AGBL1: variants seen among roughly 807,000 people sequenced by gnomAD.
AGBL1 encodes AGBL carboxypeptidase 1, also known as cytosolic carboxypeptidase 4.
AGBL1 carries 130 observed loss-of-function variants against 118.9 expected under a neutral mutation model. The observed-to-expected ratio is 1.09, with a 90% CI of 0.95 to 1.26. The LOEUF (loss-of-function observed/expected upper bound fraction) is 1.26, where lower values mean the gene tolerates loss of function less well. Among genes scored for constraint, AGBL1 ranks in the 50% most tolerant of loss-of-function variants. AGBL1 has a pLI of 0.00. For missense variants in AGBL1, 1,584 were observed against 1,298.1 expected (o/e 1.22, Z -3.38); for synonymous variants, 555 against 478.9 (o/e 1.16, Z -2.08).
chr15:86,874,381 G>GACACACACAC (rs58756904), intron 22 of AGBL1, among the ~76,000 whole-genome samples: 10,280 of 148,946 alleles, frequency 0.069, 431 homozygotes, highest in Non-Finnish European at 0.11. Context: ...TTGTGGGTGG[G>GACACACACAC]ACACACACAC....
chr15:86,643,512 T>C lies in AGBL1; in HGVS notation c.2995-30761T>C, dbSNP rs931830284. Among the ~76,000 whole-genome samples, 4 of 152,150 alleles carry C rather than the reference T, an allele frequency of 2.6e-5. No individual in the cohort carries two copies. In the East Asian group the frequency reaches 7.7e-4, roughly 29 times the overall value. On this transcript the variant is annotated intron_variant, in intron 21 of 22. Coordinates refer to ENST00000614907, the MANE Select transcript of AGBL1 (RefSeq NM_001386094.1). Reference sequence around the variant, plus strand: ...AGTACTTTGAAAGAAATTTTACGTATATTAGCTTGTCGCTAACTTCTCTTT... The same window carrying C: ...AGTACTTTGAAAGAAATTTTACGTACATTAGCTTGTCGCTAACTTCTCTTT...
In AGBL1 at chr15:86,933,457, A is replaced by G. The variant is rs538987939; in HGVS notation, c.3222-54530A>G. On this transcript the variant is annotated intron_variant, in intron 23 of 24. Coordinates refer to the AGBL1 transcript ENST00000441037. Reference sequence around the variant, plus strand: ...AGGAGTCATGTAGCCAGAGGTCGCAAGATTTGTGACTTCCCCAATTGCTCT... The same window carrying G: ...AGGAGTCATGTAGCCAGAGGTCGCAGGATTTGTGACTTCCCCAATTGCTCT... 2.6e-5 allele frequency among the ~76,000 whole-genome samples: 4 copies of G among 152,300 alleles called. No individual in the cohort carries two copies. In the South Asian group the frequency reaches 8.3e-4, roughly 32 times the overall value.
intron 24 of AGBL1, among the ~76,000 whole-genome samples, chr15:87,010,183 T>A (rs2081543930): frequency 6.6e-6 from 1 of 152,132 alleles, no homozygotes; most frequent in South Asian, 2.1e-4. Context: ...GACAATTGAA[T>A]CATGGGGGCA....
chr15:87,025,675 G>T (rs1204326259), intron 24 of AGBL1, among the ~76,000 whole-genome samples: 1 of 151,726 alleles, frequency 6.6e-6, no homozygotes, highest in Non-Finnish European at 1.5e-5. Context: ...AACCAAAAAA[G>T]AGTCCAAATA....
At chr15:86,986,147 C>G (rs1304859485) in intron 23 of AGBL1, among the ~76,000 whole-genome samples, 2 of 152,186 alleles carry the variant, frequency 1.3e-5, no homozygotes, top group African/African-American at 4.8e-5. Flanking sequence ...TGGTCTCAAA[C>G]TCCTGGCCTC....
chr15:87,022,639 C>T lies in AGBL1; in HGVS notation c.3324-6186C>T, dbSNP rs539495249. ...AAATTCATCACAAAAAGATCATCGC[C>T]TAGGCACATTGTCATCGGGTTATAT... On this transcript the variant is annotated intron_variant, in intron 24 of 24. Transcript: ENST00000441037. Among the ~76,000 whole-genome samples the T allele has an allele frequency of 7.9e-5, 12 of 152,148 alleles. 1 individual carries two copies. The South Asian group carries it at 2.5e-3, about 32-fold the overall frequency.
intron 21 of AGBL1, among the ~76,000 whole-genome samples, chr15:86,657,123 T>C (rs1052199828): frequency 2.0e-5 from 3 of 152,170 alleles, no homozygotes; most frequent in Non-Finnish European, 4.4e-5. Flanking sequence ...TGATTTCTTT[T>C]GCTAATATGC....
chr15:86,566,110 C>CG (rs1443301680), intron 21 of AGBL1, among the ~76,000 whole-genome samples: 1 of 92,182 alleles, frequency 1.1e-5, no homozygotes, highest in African/African-American at 5.3e-5. Flanking sequence ...TGCTTTGGCT[C>CG]ACCTCGTTGG....
At chr15:86,138,101 T>C (rs1006664521) in intron 1 of AGBL1, among the ~76,000 whole-genome samples, 6 of 152,138 alleles carry the variant, frequency 3.9e-5, no homozygotes, top group African/African-American at 1.4e-4. Flanking sequence ...GGAATAGAGA[T>C]ATGAATAAGA....
At chr15:86,405,740 G>C (rs534524983) in intron 18 of AGBL1, among the ~76,000 whole-genome samples, 4 of 152,186 alleles carry the variant, frequency 2.6e-5, no homozygotes, top group Admixed American at 2.0e-4. Flanking sequence ...AAGATAATAG[G>C]TGTTTCAAAA....
At chr15:86,630,464 A>G (rs946023967) in intron 21 of AGBL1, 4 of 152,268 alleles carry the variant, frequency 2.6e-5, no homozygotes, top group African/African-American at 9.6e-5. Flanking sequence ...ATTAAGGGCA[A>G]TAAGTGCTAA....
At chr15:86,497,061 G>A (rs1263437360) in intron 18 of AGBL1, among the ~76,000 whole-genome samples, 1 of 151,854 alleles carries the variant, frequency 6.6e-6, no homozygotes, top group Non-Finnish European at 1.5e-5. Flanking sequence ...TCCCAATTGA[G>A]ATGAGGACAT....
At chr15:86,269,774 A>G in intron 13 of AGBL1, 145 bp from the exon 14 acceptor site, 2 of 895,288 alleles carry the variant, frequency 2.2e-6, no homozygotes, top group Non-Finnish European at 1.6e-6. Context: ...TTGTGGTATC[A>G]GGATGATAAG....
intron 22 of AGBL1, among the ~76,000 whole-genome samples, chr15:86,835,419 G>C (rs375653541): frequency 6.6e-6 from 1 of 152,166 alleles, no homozygotes; most frequent in African/African-American, 2.4e-5. Context: ...ATGATCAGGA[G>C]AGGTGATTTG....
At chr15:86,691,050 C>A (rs966669764) in intron 22 of AGBL1, among the ~76,000 whole-genome samples, 3 of 151,882 alleles carry the variant, frequency 2.0e-5, no homozygotes, top group Non-Finnish European at 4.4e-5. Flanking sequence ...TAGTAGGTTG[C>A]ATTTTTTTTT....
At chr15:86,275,198 C>T (rs931755084) in intron 15 of AGBL1, among the ~76,000 whole-genome samples, 2 of 152,114 alleles carry the variant, frequency 1.3e-5, no homozygotes, top group African/African-American at 2.4e-5. Context: ...GGAAGCTGTG[C>T]GCTTAGAGTG....
intron 19 of AGBL1, among the ~76,000 whole-genome samples, chr15:86,533,907 A>G (rs2083384558): frequency 1.1e-5 from 1 of 90,576 alleles, no homozygotes; most frequent in Non-Finnish European, 2.1e-5. Context: ...GTGGGAATTG[A>G]ACAATGAGAT....
chr15:86,625,536 T>G (rs2084874628), intron 21 of AGBL1, among the ~76,000 whole-genome samples: 1 of 151,898 alleles, frequency 6.6e-6, no homozygotes, highest in Admixed American at 6.6e-5. Flanking sequence ...TACACACAAA[T>G]GTTTTGTGAC....
intron 22 of AGBL1, among the ~76,000 whole-genome samples, chr15:86,855,052 G>A (rs1428190586): frequency 6.6e-6 from 1 of 152,176 alleles, no homozygotes; most frequent in Non-Finnish European, 1.5e-5. Context: ...AGGGCACGCA[G>A]AGACAGGGAA....
Sources: allele counts gnomAD v4.1 joint callset (sites outside exome capture counted in the v4.1 genomes callset), GRCh38; gene constraint gnomAD v4.1.1; transcripts MANE v1.5; gene names NCBI Gene and HGNC (gene_info 2026-07-23, HGNC 2026-07-21).